Variants in TTC29 observed in about 807,000 individuals in gnomAD.
The protein encoded by TTC29 is tetratricopeptide repeat protein 29.
Under a neutral mutation model 58.1 loss-of-function variants are expected in TTC29, and 49 were observed. The ratio of observed to expected loss-of-function variants is 0.84; its 90% CI spans 0.67 to 1.07. The LOEUF (loss-of-function observed/expected upper bound fraction) is 1.07. Among genes scored for constraint, TTC29 ranks in the 50% least tolerant of loss-of-function variants. The pLI, the probability that TTC29 is intolerant of heterozygous loss-of-function variation, is 0.00. For missense variants in TTC29, 582 were observed against 555.6 expected, an observed-to-expected ratio of 1.05 and a Z score of -0.48; for synonymous variants, 209 against 196.8, an observed-to-expected ratio of 1.06 and a Z score of -0.52.
At chr4:146,767,064 G>A (rs193173430) in intron 11 of TTC29, among the ~76,000 whole-genome samples, 145 of 152,066 alleles carry the variant, frequency 9.5e-4, no homozygotes, top group African/African-American at 3.3e-3. Context: ...AGCTTCCCTA[G>A]GTTTCCTTCG....
chr4:146,791,665 A>G (rs886548142), intron 11 of TTC29, among the ~76,000 whole-genome samples: 2 of 152,218 alleles, frequency 1.3e-5, no homozygotes, highest in African/African-American at 4.8e-5. Context: ...AAAGGTAGAA[A>G]TGATTACTAT....
At chr4:146,888,480 G>A (rs2150244401) in intron 6 of TTC29, among the ~76,000 whole-genome samples, 1 of 152,242 alleles carries the variant, frequency 6.6e-6, no homozygotes, top group Non-Finnish European at 1.5e-5. Context: ...CACTGAAATT[G>A]CTGCTTGTAG....
chr4:146,868,795 A>G (rs1207060904), intron 7 of TTC29, among the ~76,000 whole-genome samples: 1 of 152,016 alleles, frequency 6.6e-6, no homozygotes, highest in East Asian at 1.9e-4. Context: ...GTCCTCTCCA[A>G]ATCTCCTGGT....
chr4:146,881,777 G>A (rs1467660155), intron 6 of TTC29, among the ~76,000 whole-genome samples: 1 of 151,952 alleles, frequency 6.6e-6, no homozygotes, highest in African/African-American at 2.4e-5. Flanking sequence ...GAGATTTGTT[G>A]TGCACTATAA....
At chr4:146,835,336 T>C (rs957309059) in intron 8 of TTC29, among the ~76,000 whole-genome samples, 10 of 152,162 alleles carry the variant, frequency 6.6e-5, no homozygotes, top group African/African-American at 2.4e-4. Context: ...CTGATATGAA[T>C]TGACGTAGAC....
At chr4:146,750,408 G>A (rs1008729728) in intron 11 of TTC29, among the ~76,000 whole-genome samples, 12 of 152,130 alleles carry the variant, frequency 7.9e-5, no homozygotes, top group African/African-American at 2.7e-4. Context: ...TGTACTAGTA[G>A]AGGTAAATGC....
intron 4 of TTC29, among the ~76,000 whole-genome samples, chr4:146,914,748 T>C (rs1734107884): frequency 6.6e-6 from 1 of 152,144 alleles, no homozygotes; most frequent in Non-Finnish European, 1.5e-5. Flanking sequence ...TTTATTGCCA[T>C]TTAAGGGCAT....
At chr4:146,735,969 G>A (rs758266645) in intron 11 of TTC29, among the ~76,000 whole-genome samples, 1 of 152,152 alleles carries the variant, frequency 6.6e-6, no homozygotes, top group Non-Finnish European at 1.5e-5. Flanking sequence ...GGAAACTGGT[G>A]GGGTTAAAAC....
intron 11 of TTC29, among the ~76,000 whole-genome samples, chr4:146,794,249 G>C (rs1195232954): frequency 3.9e-5 from 6 of 152,086 alleles, no homozygotes; most frequent in Admixed American, 3.9e-4. Context: ...TATTTTTAGG[G>C]AATATTCCTG....
At chr4:146,934,624 A>G (rs1735628781) in intron 4 of TTC29, among the ~76,000 whole-genome samples, 1 of 152,146 alleles carries the variant, frequency 6.6e-6, no homozygotes, top group African/African-American at 2.4e-5. Flanking sequence ...GTGTGGCTGA[A>G]GTGCACCTAG....
Position 146,733,295 on chromosome 4 carries a change from T to C in TTC29, c.1331-25744A>G, listed in dbSNP as rs146700941. On this transcript the variant is annotated intron_variant, in intron 11 of 12. Coordinates refer to ENST00000325106, the MANE Select transcript of TTC29 (RefSeq NM_031956.4). ...AGATTTGGAACCTTCTTATTTAGTA[T>C]AGACATTACATGCTAAAGAATTTAG... 3.3e-5 allele frequency among the ~76,000 whole-genome samples: 5 copies of C among 152,258 alleles called. No individual in the cohort carries two copies. The East Asian group carries it at 9.6e-4, about 29-fold the overall frequency.
At chr4:146,905,324 GTATA>G (rs10533850) in intron 5 of TTC29, among the ~76,000 whole-genome samples, 13 of 147,228 alleles carry the variant, frequency 8.8e-5, no homozygotes, top group Admixed American at 3.4e-4. Context: ...TTAATAAAAA[GTATA>G]TATATATATA....
intron 11 of TTC29, among the ~76,000 whole-genome samples, chr4:146,742,971 T>C (rs1745273054): frequency 6.6e-6 from 1 of 151,858 alleles, no homozygotes; most frequent in African/African-American, 2.4e-5. Flanking sequence ...AGAAAAATCC[T>C]CAGATAGGAC....
At chr4:146,842,020 G>A (rs1728881605) in intron 8 of TTC29, among the ~76,000 whole-genome samples, 1 of 152,010 alleles carries the variant, frequency 6.6e-6, no homozygotes, top group African/African-American at 2.4e-5. Context: ...CTGCCAGATG[G>A]CATTTGGCAA....
At chr4:146,777,737 A>G (rs1203327575) in intron 11 of TTC29, among the ~76,000 whole-genome samples, 1 of 152,190 alleles carries the variant, frequency 6.6e-6, no homozygotes, top group African/African-American at 2.4e-5. Context: ...GATTTGTAAC[A>G]GAATGCTTGT....
chr4:146,888,119 T>A (rs1421279781), intron 6 of TTC29, among the ~76,000 whole-genome samples: 1 of 152,176 alleles, frequency 6.6e-6, no homozygotes, highest in Admixed American at 6.5e-5. Context: ...ATGAAACTCT[T>A]GAACACAAGT....
intron 8 of TTC29, among the ~76,000 whole-genome samples, chr4:146,863,478 CAG>C: frequency 6.6e-6 from 1 of 152,236 alleles, no homozygotes; most frequent in African/African-American, 2.4e-5. Flanking sequence ...TTATGTTCTC[CAG>C]AGAAACAGAA....
At chr4:146,735,258 G>A (rs1167129176) in intron 11 of TTC29, among the ~76,000 whole-genome samples, 1 of 152,096 alleles carries the variant, frequency 6.6e-6, no homozygotes, top group African/African-American at 2.4e-5. Flanking sequence ...TAGTCAACGT[G>A]GGGGAAGGGA....
At chr4:146,877,889 T>C (rs1731377320) in intron 6 of TTC29, among the ~76,000 whole-genome samples, 1 of 152,116 alleles carries the variant, frequency 6.6e-6, no homozygotes, top group Non-Finnish European at 1.5e-5. Flanking sequence ...TGAGAACTGA[T>C]ATCCATCTCC....
Sources: allele counts gnomAD v4.1 joint callset (sites outside exome capture counted in the v4.1 genomes callset), GRCh38; gene constraint gnomAD v4.1.1; transcripts MANE v1.5; gene names NCBI Gene and HGNC (gene_info 2026-07-23, HGNC 2026-07-21).